The following FAM168A variants were observed in gnomAD, a reference collection of about 807,000 sequenced individuals.
The protein encoded by FAM168A is protein FAM168A.
FAM168A carries 3 observed loss-of-function variants against 28.5 expected under a neutral mutation model. The observed-to-expected ratio is 0.11, with a 90% CI of 0.05 to 0.27. FAM168A has a LOEUF of 0.27. Among genes scored for constraint, FAM168A ranks in the 10% least tolerant of loss-of-function variants. The pLI is 1.00. For synonymous variants in FAM168A, 122 were observed against 124.2 expected (o/e 0.98, Z 0.12); for missense variants, 222 against 311.5 (o/e 0.71, Z 2.16).
intron 1 of FAM168A, among the ~76,000 whole-genome samples, chr11:73,527,098 CA>C (rs1478776823): frequency 1.3e-5 from 2 of 151,640 alleles, no homozygotes; most frequent in Admixed American, 1.3e-4. Flanking sequence ...CTTAAAGGAC[CA>C]TAACAAACAC....
At chr11:73,481,233 A>T (rs1867963582) in intron 1 of FAM168A, among the ~76,000 whole-genome samples, 1 of 151,570 alleles carries the variant, frequency 6.6e-6, no homozygotes, top group Non-Finnish European at 1.5e-5. Flanking sequence ...GATAATTCTT[A>T]CTCTTCTTTT....
At chr11:73,569,857 T>TAAAC (rs566261646) in intron 1 of FAM168A, among the ~76,000 whole-genome samples, 3 of 135,156 alleles carry the variant, frequency 2.2e-5, no homozygotes, top group South Asian at 4.4e-4. Flanking sequence ...AATAAATAAA[T>TAAAC]AAACAAAATA....
At chr11:73,486,360 C>G (rs150540058) in intron 1 of FAM168A, among the ~76,000 whole-genome samples, 9 of 152,286 alleles carry the variant, frequency 5.9e-5, no homozygotes, top group African/African-American at 2.2e-4. Flanking sequence ...AACACTAACT[C>G]CCCATTCTCC....
chr11:73,585,058 T>C (rs1429930879), intron 1 of FAM168A, among the ~76,000 whole-genome samples: 1 of 151,420 alleles, frequency 6.6e-6, no homozygotes, highest in Non-Finnish European at 1.5e-5. Context: ...ATAGCCAAAG[T>C]TTGATCTCTG....
At chr11:73,440,896 C>T (rs1173687817) in intron 2 of FAM168A, among the ~76,000 whole-genome samples, 1 of 152,076 alleles carries the variant, frequency 6.6e-6, no homozygotes, top group Non-Finnish European at 1.5e-5. Context: ...AAACTCATAT[C>T]AATCAAGAAG....
chr11:73,408,780 CAAAAAA>C (rs61669430), intron 6 of FAM168A, among the ~76,000 whole-genome samples: 4 of 97,412 alleles, frequency 4.1e-5, no homozygotes, highest in African/African-American at 1.6e-4. Flanking sequence ...GACCCTGTCT[CAAAAAA>C]AAAAAAAAAA....
At chr11:73,487,208 G>C (rs1407278465) in intron 1 of FAM168A, among the ~76,000 whole-genome samples, 2 of 151,864 alleles carry the variant, frequency 1.3e-5, no homozygotes, top group Admixed American at 6.6e-5. Context: ...TTCATCTCCT[G>C]ATCTTTTTCC....
intron 1 of FAM168A, among the ~76,000 whole-genome samples, chr11:73,572,145 C>A (rs190429992): frequency 6.6e-6 from 1 of 151,686 alleles, no homozygotes; most frequent in Admixed American, 6.6e-5. Context: ...GCAGCCACCC[C>A]GTCCGGGAGG....
intron 1 of FAM168A, chr11:73,580,393 G>A: frequency 1.6e-6 from 1 of 618,914 alleles, no homozygotes; most frequent in Non-Finnish European, 3.1e-6. Flanking sequence ...CTGCAAAGAA[G>A]GGAGAGAAGG....
intron 1 of FAM168A, among the ~76,000 whole-genome samples, chr11:73,503,737 A>G (rs1337524164): frequency 6.6e-6 from 1 of 152,038 alleles, no homozygotes; most frequent in Non-Finnish European, 1.5e-5. Flanking sequence ...TCATGCTACT[A>G]TACTACAAGG....
chr11:73,449,407 G>T (rs144170355), intron 2 of FAM168A, among the ~76,000 whole-genome samples: 1 of 152,246 alleles, frequency 6.6e-6, no homozygotes, highest in Non-Finnish European at 1.5e-5. Context: ...AAAAAATCTG[G>T]CACTGGATTT....
intron 1 of FAM168A, among the ~76,000 whole-genome samples, chr11:73,477,926 T>C (rs547426384): frequency 0.019 from 271 of 14,294 alleles, 1 homozygote; most frequent in African/African-American, 0.043. Flanking sequence ...GATATGTAGA[T>C]AGATAGATAG....
At chr11:73,450,218 C>T (rs1378054941) in intron 2 of FAM168A, among the ~76,000 whole-genome samples, 3 of 152,190 alleles carry the variant, frequency 2.0e-5, no homozygotes, top group South Asian at 4.1e-4. Context: ...TGACACATAA[C>T]CTGCTTCTAA....
chr11:73,505,883 C>T (rs955968824), intron 1 of FAM168A, among the ~76,000 whole-genome samples: 3 of 152,168 alleles, frequency 2.0e-5, no homozygotes, highest in African/African-American at 7.2e-5. Flanking sequence ...CACTGACTTC[C>T]ATTCTTTTCT....
At position 73,495,567 on chromosome 11, in the gene FAM168A, T is replaced by A. The variant is rs547258915; in HGVS notation, c.-18-27075A>T. ...CGAATCAGATGGATAGGGGTACTATTTAAGACATAGAGTTTTACAACTAAT... is the reference window on the plus strand; with the variant it reads ...CGAATCAGATGGATAGGGGTACTATATAAGACATAGAGTTTTACAACTAAT... On this transcript the variant is annotated intron_variant, in intron 1 of 7. Transcript: ENST00000356467. 2.0e-5 allele frequency among the ~76,000 whole-genome samples: 3 copies of A among 152,250 alleles called. No individual in the cohort carries two copies. In the South Asian group the frequency reaches 6.2e-4, roughly 32 times the overall value.
At chr11:73,590,181 T>G (rs1254087913) in intron 1 of FAM168A, among the ~76,000 whole-genome samples, 1 of 151,684 alleles carries the variant, frequency 6.6e-6, no homozygotes, top group Non-Finnish European at 1.5e-5. Flanking sequence ...GCAGGAGAAT[T>G]GCTTGAGCCT....
chr11:73,534,679 AG>A (rs5792621), intron 1 of FAM168A, among the ~76,000 whole-genome samples: 152,260 of 152,262 alleles, frequency 1, 76,129 homozygotes, highest in Middle Eastern at 1. Context: ...CTGGGATTAC[AG>A]GGTGTAAGCC....
intron 1 of FAM168A, among the ~76,000 whole-genome samples, chr11:73,592,531 G>A (rs1003230500): frequency 4.6e-5 from 7 of 152,164 alleles, no homozygotes; most frequent in African/African-American, 9.7e-5. Context: ...GGCCAGCTAT[G>A]GCCCGCCCAT....
chr11:73,424,921 A>G, intron 3 of FAM168A: 1 of 976,092 alleles, frequency 1.0e-6, no homozygotes, highest in Non-Finnish European at 1.5e-6. Flanking sequence ...GCCCAAGCCT[A>G]GGGGATGGGA....
Sources: allele counts gnomAD v4.1 joint callset (sites outside exome capture counted in the v4.1 genomes callset), GRCh38; gene constraint gnomAD v4.1.1; transcripts MANE v1.5; gene names NCBI Gene and HGNC (gene_info 2026-07-23, HGNC 2026-07-21).